The following SKI variants were observed in gnomAD, a reference collection of about 807,000 sequenced individuals.
The protein encoded by SKI is ski oncogene.
A neutral mutation model predicts 59.3 loss-of-function variants in SKI; 23 were observed. The ratio of observed to expected loss-of-function variants is 0.39; its 90% CI spans 0.28 to 0.55. SKI has a LOEUF of 0.55. SKI is among the 20% of genes least tolerant of loss of function. SKI has a pLI of 0.67. For missense variants in SKI, 1,017 were observed against 1,038.9 expected (o/e 0.98, Z 0.29); for synonymous variants, 673 against 488.6 (o/e 1.38, Z -4.98).
chr1:2,238,671 G>C (rs1638801921), intron 1 of SKI, among the ~76,000 whole-genome samples: 2 of 152,234 alleles, frequency 1.3e-5, no homozygotes, highest in Non-Finnish European at 2.9e-5. Context: ...GCCACCCTCT[G>C]CGGAGCTGTG....
intron 1 of SKI, among the ~76,000 whole-genome samples, chr1:2,249,146 T>C (rs1236777251): frequency 6.6e-6 from 1 of 152,168 alleles, no homozygotes; most frequent in African/African-American, 2.4e-5. Context: ...CGGCTCTGAG[T>C]TGGAGGCCAG....
intron 5 of SKI, among the ~76,000 whole-genome samples, chr1:2,305,702 C>T (rs1456176427): frequency 6.6e-6 from 1 of 152,162 alleles, no homozygotes; most frequent in Admixed American, 6.5e-5. Context: ...GGAGCCAGGG[C>T]CTACTTGGCT....
chr1:2,304,863 C>A (rs1360995544), intron 5 of SKI, among the ~76,000 whole-genome samples: 2 of 152,248 alleles, frequency 1.3e-5, no homozygotes, highest in Non-Finnish European at 2.9e-5. Context: ...GGATCACACA[C>A]CCTGCGTGGT....
chr1:2,279,930 A>G (rs1485067488), intron 1 of SKI, among the ~76,000 whole-genome samples: 1 of 152,172 alleles, frequency 6.6e-6, no homozygotes, highest in Non-Finnish European at 1.5e-5. Flanking sequence ...GTGACATGTC[A>G]GGCAGTTTTA....
At chr1:2,250,680 G>A (rs868190922) in intron 1 of SKI, among the ~76,000 whole-genome samples, 4 of 152,260 alleles carry the variant, frequency 2.6e-5, no homozygotes, top group Non-Finnish European at 5.9e-5. Flanking sequence ...GGGATGTGGT[G>A]TGTGACCGTG....
In SKI at chr1:2,270,301, T is replaced by C. The variant is rs10910043; in HGVS notation, c.970-32677T>C. On this transcript the variant is annotated intron_variant, in intron 1 of 6. Transcript: ENST00000378536. This position sits in a 1 kb window ranked among gnomAD's most constrained non-coding sequence, Gnocchi z 4.1. ...CCTCCCTGCGGGCCTGGCATGGGAG[T>C]AGGGGCTGAGAGATGCTGGTGACAC... Among the ~76,000 whole-genome samples the C allele has an allele frequency of 0.11, 17,173 of 152,006 alleles. 1,615 individuals are homozygous for C. Among genetic ancestry groups the C allele is most frequent in the East Asian group, 0.44 (2,243 of 5,154 alleles).
chr1:2,246,853 T>TGG (rs74971112), intron 1 of SKI, among the ~76,000 whole-genome samples: 47 of 151,682 alleles, frequency 3.1e-4, no homozygotes, highest in East Asian at 7.8e-4. Context: ...AGGAACCTGA[T>TGG]GGGGGGGGCC....
At position 2,303,473 on chromosome 1, in the gene SKI, C is replaced by A; in HGVS notation, c.1211+73C>A. On this transcript the variant is annotated intron_variant, in intron 3 of 6. Coordinates refer to ENST00000378536, the MANE Select transcript of SKI (RefSeq NM_003036.4). This position sits in a 1 kb window ranked among gnomAD's most constrained non-coding sequence, Gnocchi z 5.6. ...ACGAGGGCTGTGCATGCGGACGCGC[C>A]CATGTTTCTGCAGGCTGGGTGCCCA... The A allele has an allele frequency of 7.4e-7, 1 of 1,352,464 alleles. No homozygotes were observed. Among genetic ancestry groups the A allele is most frequent in the South Asian group, 1.2e-5 (1 of 84,372 alleles). The allele number at this position is 1,352,464 out of a possible 1,614,324, so 83.8% of individuals were successfully genotyped here. A position where few individuals can be genotyped will look rare whatever the true frequency, so the allele number is the denominator to read the frequency against.
chr1:2,304,145 G>T (rs199991295), intron 4 of SKI, 43 bp downstream of exon 4: 51 of 1,607,760 alleles, frequency 3.2e-5, no homozygotes, highest in Non-Finnish European at 3.9e-5. Context: ...TGTGGGCTGT[G>T]GGGGTGGCAC....
rs1378606903 is a variant in SKI, at chr1:2,282,426, GA to G, written c.970-20550del. Reference sequence around the variant, plus strand: ...AGATCTTCAGAGAGAGGATGCCCGAGAAGACAGGCGGTGGCGGAGATCTTCA... The same window carrying G: ...AGATCTTCAGAGAGAGGATGCCCGAGAGACAGGCGGTGGCGGAGATCTTCA... On this transcript the variant is annotated intron_variant, in intron 1 of 6. Transcript: ENST00000378536. Among the ~76,000 whole-genome samples, 11 of 84,842 alleles carry G rather than the reference GA, an allele frequency of 1.3e-4. 1 individual carries two copies. The highest frequency in any genetic ancestry group is 3.7e-4 in the African/African-American group (8 of 21,592). 55.7% of individuals were successfully genotyped at this position (84,842 alleles called of 152,430 possible).
intron 1 of SKI, among the ~76,000 whole-genome samples, chr1:2,259,954 C>T (rs984135224): frequency 3.3e-5 from 5 of 152,314 alleles, no homozygotes; most frequent in Non-Finnish European, 5.9e-5. Flanking sequence ...TTGACTGTCA[C>T]AAAGAAAGCG....
At chr1:2,263,423 A>T (rs1472470049) in intron 1 of SKI, among the ~76,000 whole-genome samples, 1 of 150,122 alleles carries the variant, frequency 6.7e-6, no homozygotes, top group Non-Finnish European at 1.5e-5. Context: ...TTTTTAATAG[A>T]GACGGGGTTT....
At chr1:2,288,844 C>T (rs937891507) in intron 1 of SKI, among the ~76,000 whole-genome samples, 2 of 152,110 alleles carry the variant, frequency 1.3e-5, no homozygotes, top group African/African-American at 4.8e-5. Flanking sequence ...ATCCTTTGAT[C>T]CCCTCTTCCA....
chr1:2,230,204 C>T (rs1298177441), intron 1 of SKI, among the ~76,000 whole-genome samples: 2 of 152,250 alleles, frequency 1.3e-5, no homozygotes. Flanking sequence ...GGAGGGCTGC[C>T]TGCCTTTGGG....
intron 1 of SKI, among the ~76,000 whole-genome samples, chr1:2,289,524 G>C (rs1640116193): frequency 7.4e-6 from 1 of 136,052 alleles, no homozygotes; most frequent in African/African-American, 2.7e-5. Context: ...GGGCAGGGCA[G>C]GAGAACCAAG....
chr1:2,248,794 G>A lies in SKI; in HGVS notation c.969+19059G>A, dbSNP rs78290523. On this transcript the variant is annotated intron_variant, in intron 1 of 6. Transcript: ENST00000378536. ...TTTTGATTATTTCAGTCAAGTGGAA[G>A]TTTCTAGGAGCGTAGAGAGGCAGCG... Among the ~76,000 whole-genome samples, 1,034 of 152,376 alleles carry A rather than the reference G, an allele frequency of 6.8e-3. 13 individuals carry two copies. Among genetic ancestry groups the A allele is most frequent in the African/African-American group, 0.022 (932 of 41,594 alleles).
In SKI at chr1:2,268,664, A is replaced by G. The variant is rs1639549479; in HGVS notation, c.970-34314A>G. ...CACCCAATTTTCAGCTTTGACGGAG[A>G]AATGAGGCTTGGAGTCTTTTTCTGG... is the stretch of plus-strand genomic sequence containing the variant. On this transcript the variant is annotated intron_variant, in intron 1 of 6. Coordinates refer to ENST00000378536, the MANE Select transcript of SKI (RefSeq NM_003036.4). This position sits in a 1 kb window ranked among gnomAD's most constrained non-coding sequence, Gnocchi z 5.0. Among the ~76,000 whole-genome samples the G allele has an allele frequency of 6.6e-6, 1 of 151,972 alleles. No individual in the cohort carries two copies. Among genetic ancestry groups the G allele is most frequent in the Admixed American group, 6.6e-5 (1 of 15,266 alleles).
intron 1 of SKI, among the ~76,000 whole-genome samples, chr1:2,300,223 G>A (rs1013734905): frequency 3.9e-5 from 6 of 152,254 alleles, no homozygotes; most frequent in South Asian, 2.1e-4. Context: ...GGGGCAGCGC[G>A]GTGTGTCGTC....
At chr1:2,265,506 A>G (rs1639483825) in intron 1 of SKI, among the ~76,000 whole-genome samples, 1 of 152,178 alleles carries the variant, frequency 6.6e-6, no homozygotes, top group Admixed American at 6.5e-5. Flanking sequence ...AATATGTGGA[A>G]TACACTGTAA....
Sources: allele counts gnomAD v4.1 joint callset (sites outside exome capture counted in the v4.1 genomes callset), GRCh38; gene constraint gnomAD v4.1.1; non-coding constraint Gnocchi (gnomAD v3.1); transcripts MANE v1.5; gene names NCBI Gene and HGNC (gene_info 2026-07-23, HGNC 2026-07-21).